Variants in MCU observed in about 807,000 individuals in gnomAD.
MCU encodes the protein mitochondrial calcium uniporter, also known as calcium uniporter protein, mitochondrial.
MCU carries 12 observed loss-of-function variants against 45.2 expected under a neutral mutation model. The observed-to-expected ratio is 0.27, with a 90% CI of 0.17 to 0.43. The LOEUF (loss-of-function observed/expected upper bound fraction) is 0.43, where lower values mean the gene tolerates loss of function less well. Among genes scored for constraint, MCU ranks in the 20% least tolerant of loss-of-function variants. The pLI is 1.00. For synonymous variants in MCU, 160 were observed against 165.1 expected, an observed-to-expected ratio of 0.97 and a Z score of 0.24; for missense variants, 324 against 436.7, an observed-to-expected ratio of 0.74 and a Z score of 2.30.
intron 2 of MCU, among the ~76,000 whole-genome samples, chr10:72,849,090 C>G (rs895414555): frequency 6.6e-6 from 1 of 151,746 alleles, no homozygotes; most frequent in Non-Finnish European, 1.5e-5. Context: ...ACCAGCCTGG[C>G]CAACATAGTG....
intron 1 of MCU, among the ~76,000 whole-genome samples, chr10:72,803,613 G>A (rs1173785797): frequency 1.3e-5 from 2 of 151,710 alleles, no homozygotes; most frequent in African/African-American, 2.4e-5. Context: ...TATGAAAGTT[G>A]AAAACCTTTA....
intron 1 of MCU, among the ~76,000 whole-genome samples, chr10:72,759,469 C>T (rs962072520): frequency 1.3e-5 from 2 of 152,024 alleles, no homozygotes; most frequent in African/African-American, 2.4e-5. Flanking sequence ...TTCATTTCTG[C>T]CTTTTAGTTT....
chr10:72,880,677 A>G (rs1845688535), intron 6 of MCU, among the ~76,000 whole-genome samples: 1 of 152,258 alleles, frequency 6.6e-6, no homozygotes, highest in Admixed American at 6.5e-5. Context: ...AAGAAAAGCC[A>G]TTAAACTCTT....
At chr10:72,766,454 C>T (rs1394290326) in intron 1 of MCU, 1 of 152,056 alleles carries the variant, frequency 6.6e-6, no homozygotes, top group African/African-American at 2.4e-5. Context: ...AAAAGACAAC[C>T]TATGTTTATT....
At position 72,822,957 on chromosome 10, in the gene MCU, C is replaced by T. The variant is rs573778384; in HGVS notation, c.151-11402C>T. On this transcript the variant is annotated intron_variant, in intron 1 of 7. Coordinates refer to ENST00000373053, the MANE Select transcript of MCU (RefSeq NM_138357.3). ...CTACTTTATATAAATACTCGTATGGCGATTCCTCACAATGTTATCAGAGTT... is the reference window on the plus strand; with the variant it reads ...CTACTTTATATAAATACTCGTATGGTGATTCCTCACAATGTTATCAGAGTT... Among the ~76,000 whole-genome samples the T allele has an allele frequency of 1.5e-4, 23 of 152,202 alleles. No homozygotes were observed. In the East Asian group the frequency reaches 3.7e-3, roughly 24 times the overall value.
intron 1 of MCU, among the ~76,000 whole-genome samples, chr10:72,781,159 G>A (rs1230591574): frequency 2.0e-5 from 3 of 152,218 alleles, no homozygotes; most frequent in Admixed American, 6.5e-5. Context: ...ATAGAATCTG[G>A]TGTGTTGTTA....
At chr10:72,692,363 C>T in intron 1 of MCU, 62 bp downstream of exon 1, 1 of 1,148,200 alleles carries the variant, frequency 8.7e-7, no homozygotes, top group Non-Finnish European at 1.1e-6. Flanking sequence ...TGGGAGCCGC[C>T]GGCGGGCAGG....
chr10:72,870,093 A>G (rs928276794), intron 5 of MCU, among the ~76,000 whole-genome samples: 11 of 152,304 alleles, frequency 7.2e-5, no homozygotes, highest in East Asian at 3.9e-4. Context: ...AATGTTTACA[A>G]TGAACATATG....
chr10:72,821,604 G>A (rs1266232046), intron 1 of MCU, among the ~76,000 whole-genome samples: 1 of 151,946 alleles, frequency 6.6e-6, no homozygotes, highest in African/African-American at 2.4e-5. Flanking sequence ...CAATGTTTAG[G>A]GTGGCAGCAT....
intron 1 of MCU, among the ~76,000 whole-genome samples, chr10:72,753,263 G>A (rs962177515): frequency 6.6e-6 from 1 of 152,058 alleles, no homozygotes. Flanking sequence ...AATATATGAT[G>A]TAAAAATTTT....
intron 1 of MCU, among the ~76,000 whole-genome samples, chr10:72,726,898 T>C (rs1430361278): frequency 6.6e-6 from 1 of 152,196 alleles, no homozygotes; most frequent in Non-Finnish European, 1.5e-5. Flanking sequence ...ATTTATAAAA[T>C]TGATAATCTT....
chr10:72,715,695 G>T (rs1033593325), intron 1 of MCU, among the ~76,000 whole-genome samples: 3 of 152,212 alleles, frequency 2.0e-5, no homozygotes, highest in African/African-American at 7.2e-5. Flanking sequence ...AATGGTTGAG[G>T]TTAATCAGGT....
At chr10:72,778,244 A>G (rs1843927222) in intron 1 of MCU, among the ~76,000 whole-genome samples, 1 of 152,216 alleles carries the variant, frequency 6.6e-6, no homozygotes, top group Non-Finnish European at 1.5e-5. Context: ...ATGCAGCAAT[A>G]TTCATAATAA....
At chr10:72,772,666 C>T (rs1404251916) in intron 1 of MCU, among the ~76,000 whole-genome samples, 1 of 152,194 alleles carries the variant, frequency 6.6e-6, no homozygotes, top group Admixed American at 6.5e-5. Context: ...CACTGCACTC[C>T]AGCCTGGTGG....
chr10:72,864,292 T>G (rs1185832934), intron 4 of MCU, among the ~76,000 whole-genome samples: 1 of 152,198 alleles, frequency 6.6e-6, no homozygotes, highest in Non-Finnish European at 1.5e-5. Context: ...TTTTTTGTGT[T>G]TAGTCCACCA....
intron 1 of MCU, among the ~76,000 whole-genome samples, chr10:72,757,830 G>A (rs932606577): frequency 6.6e-6 from 1 of 152,212 alleles, no homozygotes; most frequent in Admixed American, 6.5e-5. Context: ...ACAAATGACA[G>A]ATTAACAAGC....
At chr10:72,843,203 A>G (rs1845071755) in intron 2 of MCU, among the ~76,000 whole-genome samples, 1 of 152,168 alleles carries the variant, frequency 6.6e-6, no homozygotes, top group South Asian at 2.1e-4. Context: ...GGTGTTTTAC[A>G]TCCTGTGGGT....
At chr10:72,743,228 G>C (rs1011362327) in intron 1 of MCU, among the ~76,000 whole-genome samples, 1 of 151,654 alleles carries the variant, frequency 6.6e-6, no homozygotes. Context: ...GGTCAGTATT[G>C]TGAAACCCCG....
intron 4 of MCU, among the ~76,000 whole-genome samples, chr10:72,861,459 C>T (rs1053602400): frequency 3.3e-5 from 5 of 151,700 alleles, no homozygotes; most frequent in Non-Finnish European, 5.9e-5. Flanking sequence ...AAGAGTCTCA[C>T]TCTGTCGCCC....
Sources: gnomAD v4.1 joint callset for allele counts (sites outside exome capture counted in the v4.1 genomes callset) on GRCh38, gnomAD v4.1.1 for gene constraint, MANE v1.5 for transcripts, NCBI Gene and HGNC (gene_info 2026-07-23, HGNC 2026-07-21) for gene names.